The following JARID2 variants were observed in gnomAD, a reference collection of about 807,000 sequenced individuals.
JARID2 encodes protein Jumonji.
Under a neutral mutation model 125.6 loss-of-function variants are expected in JARID2, and 21 were observed. That is an observed-to-expected ratio of 0.17 (90% CI 0.12 to 0.24). The LOEUF (loss-of-function observed/expected upper bound fraction) is 0.24, where lower values mean the gene tolerates loss of function less well. Ranked by LOEUF, JARID2 falls within the 10% of genes least tolerant of loss-of-function variation. The pLI, the probability that JARID2 is intolerant of heterozygous loss-of-function variation, is 1.00. For missense variants in JARID2, 1,303 were observed against 1,639.6 expected, an observed-to-expected ratio of 0.79 and a Z score of 3.55; for synonymous variants, 736 against 661.6, an observed-to-expected ratio of 1.11 and a Z score of -1.73.
chr6:15,248,784 C>T (rs914117237), intron 1 of JARID2: 2 of 323,580 alleles, frequency 6.2e-6, no homozygotes, highest in East Asian at 1.7e-4. Flanking sequence ...ACCTTCCCCT[C>T]CTCCTCCGTG....
In JARID2 at chr6:15,433,526, T is replaced by C. The variant is rs546850776; in HGVS notation, c.324-18480T>C. ...GCATGTCATCCAAGTGAAAGTCTTT[T>C]CCTGATGTAAGCAACTTATTAGAGC... On this transcript the variant is annotated intron_variant, in intron 3 of 17. Transcript: ENST00000341776. 2.6e-5 allele frequency among the ~76,000 whole-genome samples: 4 copies of C among 152,050 alleles called. No individual in the cohort carries two copies. The South Asian group carries it at 8.3e-4, about 32-fold the overall frequency.
chr6:15,465,051 A>T (rs866155822), intron 4 of JARID2, among the ~76,000 whole-genome samples: 1 of 152,028 alleles, frequency 6.6e-6, no homozygotes. Flanking sequence ...TTAGCCCCTC[A>T]CTTTCTTTCC....
In JARID2 at chr6:15,385,681, C is replaced by T. The variant is rs1764758589; in HGVS notation, c.181+11429C>T. Among the ~76,000 whole-genome samples the T allele has an allele frequency of 3.3e-5, 5 of 152,118 alleles. No homozygotes were observed. In the South Asian group the frequency reaches 1.0e-3, roughly 32 times the overall value. On this transcript the variant is annotated intron_variant, in intron 2 of 17. Transcript: ENST00000341776. ...AGTCTGTGTTGTGTGAATGAGCATG[C>T]AGACGGCTCAGTGGCCCACCTGCAT... is the stretch of plus-strand genomic sequence containing the variant.
At chr6:15,417,657 G>T (rs750108452) in intron 3 of JARID2, among the ~76,000 whole-genome samples, 47 of 152,068 alleles carry the variant, frequency 3.1e-4, no homozygotes, top group Non-Finnish European at 5.7e-4. Flanking sequence ...TGAGAGGATC[G>T]TTTGAGTCTG....
At chr6:15,295,675 T>G (rs1761386964) in intron 1 of JARID2, among the ~76,000 whole-genome samples, 1 of 152,148 alleles carries the variant, frequency 6.6e-6, no homozygotes, top group Admixed American at 6.5e-5. Flanking sequence ...TTTATTTATT[T>G]ATTTTTGAGA....
chr6:15,456,621 A>G (rs534894692), intron 4 of JARID2, among the ~76,000 whole-genome samples: 1 of 152,060 alleles, frequency 6.6e-6, no homozygotes, highest in South Asian at 2.1e-4. Flanking sequence ...AAGTGTGTTT[A>G]CCTGATCTGA....
At chr6:15,497,224 C>T in intron 7 of JARID2, 54 bp downstream of exon 7, 1 of 1,302,100 alleles carries the variant, frequency 7.7e-7, no homozygotes. Context: ...CCCCCAGATC[C>T]CTGCAGTTCC....
chr6:15,486,116 C>G (rs1769854018), intron 5 of JARID2, among the ~76,000 whole-genome samples: 1 of 152,204 alleles, frequency 6.6e-6, no homozygotes, highest in Admixed American at 6.5e-5. Context: ...TAAAAGATCA[C>G]TATAGCTTCC....
At chr6:15,402,466 T>A (rs930205801) in intron 2 of JARID2, among the ~76,000 whole-genome samples, 1 of 152,184 alleles carries the variant, frequency 6.6e-6, no homozygotes, top group Admixed American at 6.5e-5. Context: ...GAAGTGCAAA[T>A]TCTGTGAGAT....
chr6:15,508,998 G>A (rs1160820571), intron 12 of JARID2: 2 of 1,289,256 alleles, frequency 1.6e-6, no homozygotes, highest in African/African-American at 1.5e-5. Context: ...TCATCTATCG[G>A]TGGCTGTGGG....
At chr6:15,393,818 G>T (rs111872417) in intron 2 of JARID2, among the ~76,000 whole-genome samples, 2 of 152,198 alleles carry the variant, frequency 1.3e-5, no homozygotes, top group African/African-American at 4.8e-5. Context: ...TTTAGTAACA[G>T]AATGAGGTTA....
chr6:15,351,684 C>T (rs1243105879), intron 1 of JARID2, among the ~76,000 whole-genome samples: 3 of 152,150 alleles, frequency 2.0e-5, no homozygotes, highest in Non-Finnish European at 4.4e-5. Context: ...GGGGAAGTGA[C>T]CAATGTATGG....
intron 1 of JARID2, among the ~76,000 whole-genome samples, chr6:15,302,600 A>C (rs975238574): frequency 7.2e-5 from 11 of 152,188 alleles, no homozygotes; most frequent in African/African-American, 2.7e-4. Context: ...ACGGTGACCC[A>C]CTTTTAGTTA....
intron 3 of JARID2, among the ~76,000 whole-genome samples, chr6:15,446,925 T>C (rs1767695602): frequency 6.6e-6 from 1 of 152,210 alleles, no homozygotes; most frequent in Non-Finnish European, 1.5e-5. Context: ...CTATTTGTTT[T>C]GCCATCCAAG....
chr6:15,311,144 G>A (rs1183649990), intron 1 of JARID2, among the ~76,000 whole-genome samples: 1 of 152,208 alleles, frequency 6.6e-6, no homozygotes, highest in South Asian at 2.1e-4. Context: ...GCTTGTGACA[G>A]TAGGAGTTGG....
chr6:15,382,916 T>C (rs149088859), intron 2 of JARID2, among the ~76,000 whole-genome samples: 2 of 152,268 alleles, frequency 1.3e-5, no homozygotes, highest in East Asian at 3.9e-4. Flanking sequence ...TACATCATCA[T>C]TCCCATCCAA....
chr6:15,360,705 A>G (rs537361251), intron 1 of JARID2, among the ~76,000 whole-genome samples: 72 of 152,162 alleles, frequency 4.7e-4, no homozygotes, highest in African/African-American at 1.6e-3. Context: ...GTCTCTTGCT[A>G]TATTGGCCAG....
At chr6:15,291,103 G>A (rs1331135270) in intron 1 of JARID2, among the ~76,000 whole-genome samples, 1 of 152,122 alleles carries the variant, frequency 6.6e-6, no homozygotes, top group Non-Finnish European at 1.5e-5. Flanking sequence ...AGCCGTGGCG[G>A]TGCATGCTTG....
At chr6:15,452,476 A>G (rs1767961346) in intron 4 of JARID2, among the ~76,000 whole-genome samples, 2 of 152,086 alleles carry the variant, frequency 1.3e-5, no homozygotes, top group Non-Finnish European at 2.9e-5. Context: ...TCTGCACCAT[A>G]CCACCACCTT....
Sources: allele counts gnomAD v4.1 joint callset (sites outside exome capture counted in the v4.1 genomes callset), GRCh38; gene constraint gnomAD v4.1.1; transcripts MANE v1.5; gene names NCBI Gene and HGNC (gene_info 2026-07-23, HGNC 2026-07-21).